The following RAI14 variants were observed in gnomAD, a reference collection of about 807,000 sequenced individuals.
The protein encoded by RAI14 is ankycorbin.
RAI14 carries 45 observed loss-of-function variants against 115.4 expected under a neutral mutation model. That is an observed-to-expected ratio of 0.39 (90% CI 0.31 to 0.50). RAI14 has a LOEUF of 0.50. Among genes scored for constraint, RAI14 ranks in the 20% least tolerant of loss-of-function variants. The pLI is 0.85. For missense variants in RAI14, 939 were observed against 1,131.2 expected, an observed-to-expected ratio of 0.83 and a Z score of 2.44; for synonymous variants, 371 against 415.4, an observed-to-expected ratio of 0.89 and a Z score of 1.30.
At chr5:34,726,781 A>G (rs994637234) in intron 2 of RAI14, among the ~76,000 whole-genome samples, 1 of 152,178 alleles carries the variant, frequency 6.6e-6, no homozygotes, top group African/African-American at 2.4e-5. Flanking sequence ...ACCATGTAAG[A>G]TGTGCCTTTG....
chr5:34,662,172 T>C (rs949774258), intron 1 of RAI14, among the ~76,000 whole-genome samples: 15 of 152,238 alleles, frequency 9.9e-5, no homozygotes, highest in African/African-American at 3.1e-4. Context: ...TTTGTGCTTT[T>C]ATCTATGAGG....
chr5:34,796,768 C>T (rs1043707092), intron 4 of RAI14, among the ~76,000 whole-genome samples: 1 of 152,130 alleles, frequency 6.6e-6, no homozygotes, highest in Admixed American at 6.5e-5. Flanking sequence ...TACTTCAGGG[C>T]ATCCAGTTCA....
In RAI14 at chr5:34,830,861, T is replaced by G; in HGVS notation, c.*96T>G. 6.4e-7 allele frequency: 1 copy of G among 1,569,734 alleles called. No individual in the cohort carries two copies. Among genetic ancestry groups the G allele is most frequent in the Non-Finnish European group, 8.6e-7 (1 of 1,157,628 alleles). On this transcript the variant is annotated 3_prime_UTR_variant, in exon 18 of 18. Coordinates refer to ENST00000265109, the MANE Select transcript of RAI14 (RefSeq NM_015577.3). ...GCTGCCATTGTTCTCATTCGTGGTA[T>G]GCACTGTGGCCTAGCGTAGCTTCTT...
At position 34,676,934 on chromosome 5, in the gene RAI14, T is replaced by TC. The variant is rs573228616; in HGVS notation, c.-48-9931dup. 1.8e-4 allele frequency among the ~76,000 whole-genome samples: 27 copies of TC among 152,264 alleles called. No homozygotes were observed. The East Asian group carries it at 4.2e-3, about 24-fold the overall frequency. ...CAAGATGACATTATTGTTATGTCTT[T>TC]CCCCCCCTAACTTTATCTGGGCAGT... On this transcript the variant is annotated intron_variant, in intron 1 of 17. Transcript: ENST00000265109.
At chr5:34,826,709 A>G (rs1203518706) in intron 16 of RAI14, among the ~76,000 whole-genome samples, 2 of 152,226 alleles carry the variant, frequency 1.3e-5, no homozygotes, top group African/African-American at 2.4e-5. Flanking sequence ...TGGGAAGGAA[A>G]GAACCGACAG....
At chr5:34,772,276 T>C (rs1022082906) in intron 3 of RAI14, among the ~76,000 whole-genome samples, 8 of 152,188 alleles carry the variant, frequency 5.3e-5, no homozygotes, top group African/African-American at 1.7e-4. Context: ...CCAGCTCTAA[T>C]TGCAGAATGC....
intron 3 of RAI14, among the ~76,000 whole-genome samples, chr5:34,789,054 G>C (rs983945587): frequency 6.6e-6 from 1 of 152,130 alleles, no homozygotes; most frequent in African/African-American, 2.4e-5. Flanking sequence ...TAATCTGTAG[G>C]CTCTTTTTAT....
At chr5:34,783,243 T>C (rs573434222) in intron 3 of RAI14, among the ~76,000 whole-genome samples, 91 of 152,348 alleles carry the variant, frequency 6.0e-4, no homozygotes, top group African/African-American at 2.1e-3. Flanking sequence ...TTCTGCCATT[T>C]GTGACAGCTT....
At position 34,755,325 on chromosome 5, in the gene RAI14, G is replaced by A. The variant is rs117429827; in HGVS notation, c.37-2143G>A. Among the ~76,000 whole-genome samples, 29 of 152,286 alleles carry A rather than the reference G, an allele frequency of 1.9e-4. No individual in the cohort carries two copies. The East Asian group carries it at 5.0e-3, about 26-fold the overall frequency. The stretch of plus-strand genomic sequence containing the variant: ...TTGTGAGTAAATTGCTGTAGTAGGA[G>A]CGTGGCTGATGTTGGTCCAGACACA... On this transcript the variant is annotated intron_variant, in intron 2 of 17. Transcript: ENST00000265109.
intron 4 of RAI14, among the ~76,000 whole-genome samples, chr5:34,797,235 G>A (rs757363699): frequency 2.6e-5 from 4 of 151,970 alleles, no homozygotes; most frequent in Admixed American, 1.3e-4. Context: ...TAGGCTTTTC[G>A]TGAATCCGTA....
At chr5:34,820,670 A>C (rs1580363275) in intron 13 of RAI14, among the ~76,000 whole-genome samples, 1 of 152,180 alleles carries the variant, frequency 6.6e-6, no homozygotes, top group African/African-American at 2.4e-5. Context: ...TTCACTAAGC[A>C]CATTGTTTTG....
Position 34,762,928 on chromosome 5 carries a change from CATGTGT to C in RAI14, c.167+5331_167+5336del, listed in dbSNP as rs1272360888. On this transcript the variant is annotated intron_variant, in intron 3 of 17. Transcript: ENST00000265109. ...TGTGTGTAGATATAAGGAGTGTGTG[CATGTGT>C]GTGTGTGTGTGTGTGTGTGTGTGTG... Among the ~76,000 whole-genome samples, 223 of 98,916 alleles carry C rather than the reference CATGTGT, an allele frequency of 2.3e-3. 1 individual carries two copies. The highest frequency in any genetic ancestry group is 7.9e-3 in the African/African-American group (208 of 26,396). 64.9% of individuals were successfully genotyped at this position (98,916 alleles called of 152,430 possible). A position where few individuals can be genotyped will look rare whatever the true frequency, so the allele number is the denominator to read the frequency against.
intron 2 of RAI14, among the ~76,000 whole-genome samples, chr5:34,721,114 CTCTCT>C (rs1256715315): frequency 2.6e-5 from 4 of 151,926 alleles, no homozygotes; most frequent in African/African-American, 9.7e-5. Flanking sequence ...CTTCCTTCTC[CTCTCT>C]TAAGTCTCTT....
rs868755240 is a variant in RAI14 at position 34,761,946 on chromosome 5, A to G, written c.167+4348A>G. 2.6e-5 allele frequency among the ~76,000 whole-genome samples: 4 copies of G among 152,290 alleles called. No individual in the cohort carries two copies. The South Asian group carries it at 8.3e-4, about 32-fold the overall frequency. Reference sequence around the variant, plus strand: ...ACCCACCTTTATTCTATTATATCAAATGAACAGGAACGACAACAGAAATGT... The same window carrying G: ...ACCCACCTTTATTCTATTATATCAAGTGAACAGGAACGACAACAGAAATGT... On this transcript the variant is annotated intron_variant, in intron 3 of 17. Transcript: ENST00000265109.
chr5:34,699,141 G>A (rs530414039), intron 2 of RAI14, among the ~76,000 whole-genome samples: 152 of 152,252 alleles, frequency 1.0e-3, no homozygotes, highest in African/African-American at 3.6e-3. Context: ...GAATGTTTGG[G>A]TACAACTATT....
chr5:34,706,911 A>C (rs1268228587), intron 2 of RAI14, among the ~76,000 whole-genome samples: 1 of 152,222 alleles, frequency 6.6e-6, no homozygotes, highest in African/African-American at 2.4e-5. Context: ...TAACTGAGTC[A>C]AGACCATCAA....
intron 2 of RAI14, among the ~76,000 whole-genome samples, chr5:34,736,158 T>G (rs1185813092): frequency 6.6e-6 from 1 of 152,210 alleles, no homozygotes; most frequent in Non-Finnish European, 1.5e-5. Context: ...CCCAGCACTT[T>G]CGGAGGCCAA....
At chr5:34,745,861 G>A (rs905847378) in intron 2 of RAI14, among the ~76,000 whole-genome samples, 4 of 151,938 alleles carry the variant, frequency 2.6e-5, no homozygotes, top group Admixed American at 6.6e-5. Context: ...ACCACTGACC[G>A]GGCTTACTCT....
At chr5:34,813,047 A>G (rs930326107) in intron 10 of RAI14, among the ~76,000 whole-genome samples, 4 of 152,204 alleles carry the variant, frequency 2.6e-5, no homozygotes, top group South Asian at 2.1e-4. Context: ...GATGAACAGT[A>G]TATGTTTGGT....
Sources: gnomAD v4.1 joint callset for allele counts (sites outside exome capture counted in the v4.1 genomes callset) on GRCh38, gnomAD v4.1.1 for gene constraint, MANE v1.5 for transcripts, NCBI Gene and HGNC (gene_info 2026-07-23, HGNC 2026-07-21) for gene names.